THSD4: variants seen among roughly 807,000 people sequenced by gnomAD.
THSD4 encodes the protein thrombospondin type 1 domain containing 4.
A neutral mutation model predicts 119.0 loss-of-function variants in THSD4; 69 were observed. That is an observed-to-expected ratio of 0.58 (90% CI 0.48 to 0.71). The LOEUF (loss-of-function observed/expected upper bound fraction) is 0.71. Ranked by LOEUF, THSD4 falls within the 30% of genes least tolerant of loss-of-function variation. The pLI is 0.00. For missense variants in THSD4, 1,393 were observed against 1,391.1 expected, an observed-to-expected ratio of 1.00 and a Z score of -0.02; for synonymous variants, 524 against 540.4, an observed-to-expected ratio of 0.97 and a Z score of 0.42.
chr15:71,108,207 G>T (rs922668703), intron 1 of THSD4, among the ~76,000 whole-genome samples: 3 of 152,174 alleles, frequency 2.0e-5, no homozygotes, highest in African/African-American at 7.2e-5. Flanking sequence ...CAGTGCTATG[G>T]AAGAAATGCT....
intron 8 of THSD4, among the ~76,000 whole-genome samples, chr15:71,723,100 TG>T (rs949697868): frequency 1.1e-4 from 17 of 148,570 alleles, no homozygotes; most frequent in African/African-American, 4.2e-4. Context: ...TAAAAAAAAA[TG>T]GGCAGATAAT....
At chr15:71,724,309 G>A (rs2052792533) in intron 8 of THSD4, among the ~76,000 whole-genome samples, 3 of 84,752 alleles carry the variant, frequency 3.5e-5, no homozygotes, top group Non-Finnish European at 9.1e-5. Flanking sequence ...CCCCCAAGAT[G>A]GAATTTTGCT....
At chr15:71,176,984 A>G (rs2043453754) in intron 3 of THSD4, among the ~76,000 whole-genome samples, 1 of 436 alleles carries the variant, frequency 2.3e-3, no homozygotes, top group Non-Finnish European at 0.05. Flanking sequence ...GACACATTCA[A>G]AGCAGTGTGT....
intron 14 of THSD4, among the ~76,000 whole-genome samples, chr15:71,756,303 G>C (rs1339633336): frequency 6.6e-6 from 1 of 152,176 alleles, no homozygotes; most frequent in African/African-American, 2.4e-5. Flanking sequence ...ACTAGAGTCT[G>C]TGAGACCTAA....
At chr15:71,630,295 G>A (rs914788996) in intron 7 of THSD4, among the ~76,000 whole-genome samples, 1 of 152,130 alleles carries the variant, frequency 6.6e-6, no homozygotes, top group Admixed American at 6.5e-5. Context: ...TTGGCACAGA[G>A]CTCTGCTCTG....
chr15:71,378,028 C>T (rs147752476), intron 6 of THSD4, among the ~76,000 whole-genome samples: 27 of 152,224 alleles, frequency 1.8e-4, no homozygotes, highest in East Asian at 3.9e-4. Flanking sequence ...ACTGAGATGT[C>T]GGGAAGAAAT....
intron 7 of THSD4, among the ~76,000 whole-genome samples, 154 bp downstream of exon 7, chr15:71,411,977 G>T (rs1257982620): frequency 3.9e-5 from 6 of 152,208 alleles, no homozygotes; most frequent in African/African-American, 1.4e-4. Context: ...CTGAGATGGG[G>T]CTGCTTGGTC....
chr15:71,692,443 G>A (rs1022013957), intron 8 of THSD4, among the ~76,000 whole-genome samples: 4 of 152,142 alleles, frequency 2.6e-5, no homozygotes, highest in African/African-American at 9.7e-5. Flanking sequence ...TTCTTCCACT[G>A]TAGATTTTTT....
intron 7 of THSD4, among the ~76,000 whole-genome samples, chr15:71,551,907 C>A (rs769916889): frequency 1.3e-5 from 2 of 152,212 alleles, no homozygotes; most frequent in Non-Finnish European, 2.9e-5. Flanking sequence ...CTTACCAGTT[C>A]TGGGAATGAT....
chr15:71,618,658 C>T (rs921862154), intron 7 of THSD4, among the ~76,000 whole-genome samples: 3 of 152,106 alleles, frequency 2.0e-5, no homozygotes, highest in African/African-American at 7.2e-5. Flanking sequence ...ATTGCAGCCT[C>T]AGCCTCCTGG....
In THSD4 at chr15:71,689,062, C is replaced by G. The variant is rs188132485; in HGVS notation, c.1357+28328C>G. 3.9e-4 allele frequency among the ~76,000 whole-genome samples: 59 copies of G among 152,304 alleles called. 1 individual carries two copies. In the East Asian group the frequency reaches 0.011, roughly 29 times the overall value. ...GGATCCCCACACTCTGCAACTGTATCCATAAGGCCCTGTAGAGCTCTTCAG... is the reference window on the plus strand; with the variant it reads ...GGATCCCCACACTCTGCAACTGTATGCATAAGGCCCTGTAGAGCTCTTCAG... On this transcript the variant is annotated intron_variant, in intron 8 of 17. Transcript: ENST00000261862.
At chr15:71,726,178 T>A (rs1487747231) in intron 8 of THSD4, among the ~76,000 whole-genome samples, 1 of 152,234 alleles carries the variant, frequency 6.6e-6, no homozygotes. Flanking sequence ...CTCAGTAAGC[T>A]GAATTGATCT....
intron 7 of THSD4, among the ~76,000 whole-genome samples, chr15:71,542,047 G>C (rs1198378170): frequency 6.6e-6 from 1 of 152,224 alleles, no homozygotes; most frequent in Non-Finnish European, 1.5e-5. Flanking sequence ...AGGAGCAGAG[G>C]AGTAAAAATA....
chr15:71,189,775 G>A (rs1011052589), intron 3 of THSD4, among the ~76,000 whole-genome samples: 8 of 152,172 alleles, frequency 5.3e-5, no homozygotes, highest in Admixed American at 3.3e-4. Context: ...AAGTCCGCTA[G>A]AGTAATAGTT....
At chr15:71,753,171 C>T (rs2053480344) in intron 14 of THSD4, among the ~76,000 whole-genome samples, 1 of 152,174 alleles carries the variant, frequency 6.6e-6, no homozygotes. Flanking sequence ...CTTCTAGGGA[C>T]ACAAAGTTTC....
rs1431473351 is a variant in THSD4 at position 71,593,356 on chromosome 15, G to A, written c.1153-67174G>A. Among the ~76,000 whole-genome samples, 14 of 21,718 alleles carry A rather than the reference G, an allele frequency of 6.4e-4. 3 individuals carry two copies. Among genetic ancestry groups the A allele is most frequent in the African/African-American group, 1.1e-3 (13 of 11,442 alleles). 14.2% of individuals were successfully genotyped at this position (21,718 alleles called of 152,430 possible). ...GGAGAATAGCGTGAACCCGGGAGGC[G>A]GAGCTTGCAGTGAGCCGAGATCCCG... On this transcript the variant is annotated intron_variant, in intron 7 of 17. Coordinates refer to ENST00000261862, the MANE Select transcript of THSD4 (RefSeq NM_024817.3).
chr15:71,377,462 T>A (rs1475479036), intron 6 of THSD4, among the ~76,000 whole-genome samples: 2 of 151,882 alleles, frequency 1.3e-5, no homozygotes, highest in Admixed American at 1.3e-4. Flanking sequence ...AATGTCTGCA[T>A]CGGGGTGGAG....
intron 7 of THSD4, among the ~76,000 whole-genome samples, chr15:71,537,005 G>A (rs77666942): frequency 0.051 from 7,738 of 152,204 alleles, 236 homozygotes; most frequent in Middle Eastern, 0.095. Context: ...TCACTTTTTG[G>A]ATATACCATA....
intron 8 of THSD4, among the ~76,000 whole-genome samples, chr15:71,689,146 T>C (rs2051989007): frequency 6.6e-6 from 1 of 152,214 alleles, no homozygotes; most frequent in Non-Finnish European, 1.5e-5. Flanking sequence ...GACCAAGATA[T>C]ACTAATAATT....
Sources: allele counts gnomAD v4.1 joint callset (sites outside exome capture counted in the v4.1 genomes callset), GRCh38; gene constraint gnomAD v4.1.1; transcripts MANE v1.5; gene names NCBI Gene and HGNC (gene_info 2026-07-23, HGNC 2026-07-21).